The following CLSPN variants were observed in gnomAD, a reference collection of about 807,000 sequenced individuals.
CLSPN encodes claspin.
CLSPN carries 85 observed loss-of-function variants against 156.3 expected under a neutral mutation model. The ratio of observed to expected loss-of-function variants is 0.54; its 90% CI spans 0.46 to 0.65. The LOEUF is 0.65. Among genes scored for constraint, CLSPN ranks in the 30% least tolerant of loss-of-function variants. CLSPN has a pLI of 0.00. For synonymous variants in CLSPN, 534 were observed against 542.4 expected, an observed-to-expected ratio of 0.98 and a Z score of 0.22; for missense variants, 1,407 against 1,554.9, an observed-to-expected ratio of 0.90 and a Z score of 1.60.
At chr1:35,741,699 G>A (rs1641696631) in intron 18 of CLSPN, among the ~76,000 whole-genome samples, 1 of 152,104 alleles carries the variant, frequency 6.6e-6, no homozygotes, top group Non-Finnish European at 1.5e-5. Flanking sequence ...GGCCGGCCAG[G>A]TGGGGTGGCT....
chr1:35,731,461 T>C (rs755645594), downstream of CLSPN, among the ~76,000 whole-genome samples: 7 of 152,164 alleles, frequency 4.6e-5, no homozygotes, highest in African/African-American at 1.2e-4. Flanking sequence ...GTTTGAACTT[T>C]GAGTGCAGCG....
At chr1:35,739,680 T>A (rs928485962) in intron 18 of CLSPN, 151 bp from the exon 19 acceptor site, 1 of 591,602 alleles carries the variant, frequency 1.7e-6, no homozygotes, top group Non-Finnish European at 2.8e-6. Context: ...TCTCCACTTA[T>A]GATGGTTTGA....
chr1:35,740,731 T>C (rs1213121020), intron 18 of CLSPN, among the ~76,000 whole-genome samples: 1 of 152,226 alleles, frequency 6.6e-6, no homozygotes, highest in East Asian at 1.9e-4. Context: ...TACTGTATTT[T>C]CTTAAAGCTA....
At chr1:35,754,567 G>A (rs1035233192) in intron 8 of CLSPN, among the ~76,000 whole-genome samples, 2 of 152,044 alleles carry the variant, frequency 1.3e-5, no homozygotes, top group African/African-American at 2.4e-5. Flanking sequence ...GGCTGGTCTC[G>A]AACTCCTGAC....
In CLSPN at chr1:35,747,898, A is replaced by ACTAC. The variant is rs1156592227; in HGVS notation, c.2627+5_2627+8dup. On this transcript the variant is annotated intron_variant, in intron 14 of 24. Transcript: ENST00000318121. ...CCATTCCCGCCCACAGAAACACAAA[A>ACTAC]CTACCTACCCATCTGCATCCAACAG... 3.7e-6 allele frequency: 6 copies of ACTAC among 1,607,642 alleles called. No homozygotes were observed. Among genetic ancestry groups the ACTAC allele is most frequent in the African/African-American group, 1.3e-5 (1 of 74,720 alleles).
At chr1:35,730,457 C>T (rs1641286092), downstream of CLSPN, among the ~76,000 whole-genome samples, 1 of 151,366 alleles carries the variant, frequency 6.6e-6, no homozygotes, top group Admixed American at 6.6e-5. Context: ...GTAACCCCAG[C>T]TACTTGGGAG....
At chr1:35,721,696 C>T (rs1641078040) in intron 24 of CLSPN, among the ~76,000 whole-genome samples, 1 of 151,664 alleles carries the variant, frequency 6.6e-6, no homozygotes, top group South Asian at 2.1e-4. Flanking sequence ...CCGATGCTAT[C>T]ACCTTCTGAC....
In CLSPN at chr1:35,739,427, G is replaced by A. The variant is rs115273847; in HGVS notation, c.3246C>T (p.Asp1082=). ...DGEEIDEYEE[D]VIDEVLPSDE... is the part of the protein sequence containing the mutation. ...CAGAAGGAAGTACTTCATCAATTAC[G>A]TCCTCTTCATATTCATCAATTTCTT... The change falls in exon 19 of 25, where the codon GAC becomes GAT. Residue 1082 remains aspartate (D), a synonymous_variant. Coordinates refer to ENST00000318121, the MANE Select transcript of CLSPN (RefSeq NM_022111.4). The A allele has an allele frequency of 5.6e-6, 9 of 1,613,688 alleles. No homozygotes were observed. Among genetic ancestry groups the A allele is most frequent in the Admixed American group, 1.7e-5 (1 of 59,974 alleles).
At chr1:35,738,177 C>T in intron 21 of CLSPN, 80 bp from the exon 22 acceptor site, 1 of 659,112 alleles carries the variant, frequency 1.5e-6, no homozygotes, top group Non-Finnish European at 2.2e-6. Flanking sequence ...AAATAGTTAG[C>T]ATGGCCTGGA....
Position 35,741,474 on chromosome 1 carries a change from G to A in CLSPN, c.3143+1667C>T, listed in dbSNP as rs1259311091. Among the ~76,000 whole-genome samples the A allele has an allele frequency of 7.9e-5, 12 of 152,070 alleles. No homozygotes were observed. In the East Asian group the frequency reaches 1.8e-3, roughly 22 times the overall value. ...TGGGATTACAGGCACTGGCCATCAC[G>A]CTTGGCTAATTTTGTATTTTTAGTA... On this transcript the variant is annotated intron_variant, in intron 18 of 24. Coordinates refer to ENST00000318121, the MANE Select transcript of CLSPN (RefSeq NM_022111.4).
Position 35,746,241 on chromosome 1 carries a change from G to A in CLSPN, c.2854+525C>T, listed in dbSNP as rs551950390. Among the ~76,000 whole-genome samples the A allele has an allele frequency of 5.3e-5, 8 of 152,234 alleles. No homozygotes were observed. Among genetic ancestry groups the A allele is most frequent in the South Asian group, 2.1e-4 (1 of 4,832 alleles). Reference sequence around the variant, plus strand: ...ATTACAGGCGTGAGCCACTGCGCCCGGCCTAAAGTAGTCTTAAGTTGATAC... The same window carrying A: ...ATTACAGGCGTGAGCCACTGCGCCCAGCCTAAAGTAGTCTTAAGTTGATAC... On this transcript the variant is annotated intron_variant, in intron 15 of 24. Coordinates refer to ENST00000318121, the MANE Select transcript of CLSPN (RefSeq NM_022111.4). This position sits in a 1 kb window ranked among gnomAD's most constrained non-coding sequence, Gnocchi z 4.2.
Position 35,736,320 on chromosome 1 carries a change from C to A in CLSPN, c.*176G>T. ...TCAGTGGCCAATTCAGGGAATAATA[C>A]TAGGAAAAGAGATGTCCAGAGCTGT... On this transcript the variant is annotated 3_prime_UTR_variant, in exon 25 of 25. Transcript: ENST00000318121. 8.2e-7 allele frequency: 1 copy of A among 1,220,612 alleles called. No homozygotes were observed. The allele number at this position is 1,220,612 out of a possible 1,614,324, so 75.6% of individuals were successfully genotyped here.
intron 1 of CLSPN, among the ~76,000 whole-genome samples, chr1:35,768,943 A>G (rs1429550939): frequency 3.3e-5 from 5 of 152,190 alleles, no homozygotes; most frequent in Admixed American, 6.5e-5. Context: ...TTTTTAAAAA[A>G]TTAAATCAAT....
intron 14 of CLSPN, among the ~76,000 whole-genome samples, chr1:35,747,379 C>G (rs1285397746): frequency 6.6e-6 from 1 of 151,960 alleles, no homozygotes; most frequent in Admixed American, 6.6e-5. Context: ...GGTGAAAAAC[C>G]TCTGAATTCA....
chr1:35,732,943 C>A lies in CLSPN; in HGVS notation c.*3553G>T, dbSNP rs1309339180. ...TCCAAAGAGTGCTTTCTCCCAGGAG[C>A]CTCAATCAGAAACCATTTTCTTTCT... is the stretch of plus-strand genomic sequence containing the variant. On this transcript the variant is annotated 3_prime_UTR_variant, in exon 25 of 25. Transcript: ENST00000318121. 14 of 985,206 alleles carry A rather than the reference C, an allele frequency of 1.4e-5. No homozygotes were observed. Among genetic ancestry groups the A allele is most frequent in the African/African-American group, 1.7e-5 (1 of 57,218 alleles). The allele number at this position is 985,206 out of a possible 1,614,324, so 61.0% of individuals were successfully genotyped here.
Position 35,738,439 on chromosome 1 carries a change from G to GT in CLSPN, c.3558+15dup. 6.2e-7 allele frequency: 1 copy of GT among 1,613,176 alleles called. No homozygotes were observed. Among genetic ancestry groups the GT allele is most frequent in the Non-Finnish European group, 8.5e-7 (1 of 1,179,372 alleles). On this transcript the variant is annotated intron_variant, in intron 21 of 24. Coordinates refer to ENST00000318121, the MANE Select transcript of CLSPN (RefSeq NM_022111.4). Reference sequence around the variant, plus strand: ...GACAGTCTCATAAACTAGGGTCAGAGTAGGTGAACTCCTACCATGTCCCGA... The same window carrying GT: ...GACAGTCTCATAAACTAGGGTCAGAGTTAGGTGAACTCCTACCATGTCCCGA...
Position 35,720,916 on chromosome 1 carries a change from C to G in CLSPN, c.3974G>C (p.Arg1325Thr), listed in dbSNP as rs531585705. 2.5e-6 allele frequency: 4 copies of G among 1,612,272 alleles called. No homozygotes were observed. In the South Asian group the frequency reaches 3.3e-5, roughly 13 times the overall value. Residue 1325 changes from arginine (R) to threonine (T), a missense_variant, in exon 25 of 25, where the codon AGG becomes ACG. Physicochemically the swap from Arg to Thr is moderately conservative, Grantham distance 71. Transcript: ENST00000251195. ...TTAACCATGTGGGTCAAATGAAAGC[C>G]TGAAGAATCCAGGGATAGGAGCTCC...
chr1:35,722,971 T>C (rs1256643713), intron 24 of CLSPN, among the ~76,000 whole-genome samples: 1 of 152,156 alleles, frequency 6.6e-6, no homozygotes, highest in Non-Finnish European at 1.5e-5. Flanking sequence ...TTGTATGGAA[T>C]ATTCTAGCAC....
chr1:35,743,681 T>TG, intron 16 of CLSPN, 151 bp from the exon 17 acceptor site: 1 of 616,440 alleles, frequency 1.6e-6, no homozygotes, highest in Admixed American at 2.7e-5. Flanking sequence ...TGGAATACAG[T>TG]GGCACCATCT....
Sources: allele counts gnomAD v4.1 joint callset (sites outside exome capture counted in the v4.1 genomes callset), GRCh38; gene constraint gnomAD v4.1.1; non-coding constraint Gnocchi (gnomAD v3.1); transcripts MANE v1.5; gene names NCBI Gene and HGNC (gene_info 2026-07-23, HGNC 2026-07-21).